The following ORC1 variants were observed in gnomAD, a reference collection of about 807,000 sequenced individuals.
ORC1 encodes the protein origin recognition complex, subunit 1 homolog.
ORC1 carries 61 observed loss-of-function variants against 98.9 expected under a neutral mutation model. The observed-to-expected ratio is 0.62, with a 90% CI of 0.50 to 0.76. ORC1 has a LOEUF of 0.76. Ranked by LOEUF, ORC1 falls within the 30% of genes least tolerant of loss-of-function variation. ORC1 has a pLI of 0.00. For missense variants in ORC1, 979 were observed against 1,072.2 expected, an observed-to-expected ratio of 0.91 and a Z score of 1.21; for synonymous variants, 385 against 406.9, an observed-to-expected ratio of 0.95 and a Z score of 0.65.
intron 13 of ORC1, among the ~76,000 whole-genome samples, chr1:52,382,451 A>T (rs1647084018): frequency 6.6e-6 from 1 of 152,072 alleles, no homozygotes; most frequent in African/African-American, 2.4e-5. Context: ...CAGGCTCTTC[A>T]TGATTTCTCA....
At chr1:52,387,321 T>C (rs1647154837) in intron 8 of ORC1, among the ~76,000 whole-genome samples, 1 of 152,190 alleles carries the variant, frequency 6.6e-6, no homozygotes, top group Admixed American at 6.5e-5. Context: ...CAATGCCTGG[T>C]GATCTAGGGT....
chr1:52,399,840 A>C lies in ORC1; in HGVS notation c.223+1522T>G, dbSNP rs967818700. Among the ~76,000 whole-genome samples, 6 of 140,080 alleles carry C rather than the reference A, an allele frequency of 4.3e-5. No individual in the cohort carries two copies. In the South Asian group the frequency reaches 1.1e-3, roughly 26 times the overall value. The allele number at this position is 140,080 out of a possible 152,430, so 91.9% of individuals were successfully genotyped here. ...ACACACACACACACACACACACACA[A>C]GAATTACAGCATCAACCACTGAGAT... On this transcript the variant is annotated intron_variant, in intron 3 of 16. Transcript: ENST00000371568.
At chr1:52,376,394 A>C (rs992797984) in intron 14 of ORC1, among the ~76,000 whole-genome samples, 1 of 152,120 alleles carries the variant, frequency 6.6e-6, no homozygotes, top group African/African-American at 2.4e-5. Flanking sequence ...ACATGCCTGT[A>C]ATCTCAGCTA....
chr1:52,383,548 T>A lies in ORC1; in HGVS notation c.1885A>T (p.Lys629Ter), dbSNP rs1647101190. ...AAGAGATTGTACATTATGTCTTGTT[T>A]GTGAGTCCACAGAAGGTCGAGCTGC... ...VDELDLLWTH[K>*]QDIMYNLFDW... is the part of the protein sequence containing the mutation. Residue 629 changes from lysine (K) to a stop codon, truncating the protein, a stop_gained, in exon 13 of 17, where the codon AAA becomes TAA. Coordinates refer to ENST00000371568, the MANE Select transcript of ORC1 (RefSeq NM_004153.4). LOFTEE classifies it high-confidence loss of function. 1 of 1,613,978 alleles carries A rather than the reference T, an allele frequency of 6.2e-7. No individual in the cohort carries two copies. The highest frequency in any genetic ancestry group is 1.7e-5 in the Admixed American group (1 of 60,008).
intron 9 of ORC1, among the ~76,000 whole-genome samples, 172 bp downstream of exon 9, chr1:52,385,680 T>C (rs906082806): frequency 3.9e-5 from 6 of 152,250 alleles, no homozygotes; most frequent in African/African-American, 1.2e-4. Flanking sequence ...AGATGCTGCC[T>C]GAGAGGTTTC....
In ORC1 at chr1:52,389,223, T is replaced by C; in HGVS notation, c.1181A>G (p.Gln394Arg). 3.1e-6 allele frequency: 5 copies of C among 1,612,936 alleles called. No homozygotes were observed. The highest frequency in any genetic ancestry group is 4.2e-6 in the Non-Finnish European group (5 of 1,178,850). ...TGCCAAGGAGTAGTCTTACCGAAGC[T>C]GCTGCCTAATCCGATTCATAGTCAA... ...SVLTMNRIRQ[Q>R]LRFLGNSKSD... The change falls in exon 7 of 17, where the codon CAG becomes CGG. Residue 394 changes from glutamine (Q) to arginine (R), a missense_variant. Physicochemically the swap from Gln to Arg is conservative, Grantham distance 43 (BLOSUM62 1). Coordinates refer to ENST00000371568, the MANE Select transcript of ORC1 (RefSeq NM_004153.4).
At chr1:52,378,744 C>A (rs1489068507) in intron 14 of ORC1, among the ~76,000 whole-genome samples, 2 of 151,762 alleles carry the variant, frequency 1.3e-5, no homozygotes, top group African/African-American at 4.8e-5. Context: ...TATAATTTTG[C>A]AAGTTAGTGC....
At chr1:52,406,540 GTTAC>G (rs1205211874), upstream of ORC1, among the ~76,000 whole-genome samples, 1 of 152,012 alleles carries the variant, frequency 6.6e-6, no homozygotes, top group Non-Finnish European at 1.5e-5. Flanking sequence ...CATTGGAGAG[GTTAC>G]TTAATTTTCT....
Position 52,374,840 on chromosome 1 carries a change from T to C in ORC1, c.2361A>G (p.Arg787=). 6.2e-7 allele frequency: 1 copy of C among 1,613,952 alleles called. No homozygotes were observed. Among genetic ancestry groups the C allele is most frequent in the Non-Finnish European group, 8.5e-7 (1 of 1,179,816 alleles). Residue 787 remains arginine, a synonymous_variant, in exon 16 of 17, where the codon CGA becomes CGG. Transcript: ENST00000371568. The part of the protein sequence containing the change: ...FLRAILAEFR[R]SGLEEATFQQ... ...GAAACGTGGCTTCCTCCAGTCCTGA[T>C]CGACGGAACTCTGCGAGGATGGCTC...
chr1:52,396,397 G>A (rs1167382835), intron 4 of ORC1, 33 bp from the exon 5 acceptor site: 3 of 1,613,696 alleles, frequency 1.9e-6, no homozygotes, highest in African/African-American at 2.7e-5. Context: ...AGTAGGAAGA[G>A]ATGAGCCCCA....
At chr1:52,397,021 T>C (rs923914408) in intron 4 of ORC1, among the ~76,000 whole-genome samples, 1 of 152,240 alleles carries the variant, frequency 6.6e-6, no homozygotes, top group Admixed American at 6.5e-5. Flanking sequence ...ATACTCATCC[T>C]GCTGCCTCAA....
chr1:52,404,922 C>T (rs755873441), upstream of ORC1: 2 of 1,605,878 alleles, frequency 1.2e-6, no homozygotes, highest in Non-Finnish European at 8.5e-7. Flanking sequence ...CCCTTGTGGC[C>T]CATTTCTCCT....
upstream of ORC1, chr1:52,404,790 G>A: frequency 2.5e-6 from 4 of 1,614,166 alleles, no homozygotes; most frequent in Non-Finnish European, 3.4e-6. Flanking sequence ...AGCATCCATG[G>A]CACCAACCCT....
chr1:52,406,227 A>G (rs1234504644), upstream of ORC1, among the ~76,000 whole-genome samples: 5 of 151,942 alleles, frequency 3.3e-5, no homozygotes, highest in Non-Finnish European at 7.4e-5. Flanking sequence ...GACTTCAGGT[A>G]ATCCCCTCCC....
At chr1:52,408,458 T>C, upstream of ORC1, 1 of 1,463,944 alleles carries the variant, frequency 6.8e-7, no homozygotes, top group Non-Finnish European at 9.5e-7. Flanking sequence ...GCAGCTTTCT[T>C]ACCTGCCAAA....
intron 3 of ORC1, among the ~76,000 whole-genome samples, chr1:52,399,172 G>C (rs921863052): frequency 1.3e-5 from 2 of 152,094 alleles, no homozygotes; most frequent in African/African-American, 4.8e-5. Flanking sequence ...TCAAACAGCA[G>C]CAAAACAAAA....
upstream of ORC1, among the ~76,000 whole-genome samples, chr1:52,407,211 A>G (rs1648022628): frequency 6.6e-6 from 1 of 152,002 alleles, no homozygotes; most frequent in African/African-American, 2.4e-5. Context: ...TAGAGACGGC[A>G]TTTCACCGCG....
chr1:52,401,411 A>T lies in ORC1; in HGVS notation c.174T>A (p.Asp58Glu), dbSNP rs200774303. Reference sequence around the variant, plus strand: ...TAGCAACATACGGGTTTTCATCATCATCCCCTTCAATCAACACAAACTGTC... The same window carrying T: ...TAGCAACATACGGGTTTTCATCATCTTCCCCTTCAATCAACACAAACTGTC... ...QIGQFVLIEG[D>E]DDENPYVAKL... Residue 58 changes from aspartate to glutamate, a missense_variant, in exon 3 of 17, where the codon GAT becomes GAA. Physicochemically the swap from Asp to Glu is conservative, Grantham distance 45. Coordinates refer to ENST00000371568, the MANE Select transcript of ORC1 (RefSeq NM_004153.4). The T allele has an allele frequency of 8.7e-6, 14 of 1,613,708 alleles. No individual in the cohort carries two copies. In the East Asian group the frequency reaches 3.1e-4, roughly 36 times the overall value.
chr1:52,375,370 T>C (rs1187791727), intron 15 of ORC1, 60 bp downstream of exon 15: 2 of 1,510,516 alleles, frequency 1.3e-6, no homozygotes, highest in African/African-American at 2.7e-5. Context: ...AGTAAAAGCT[T>C]AGAAAGGGAA....
Sources: gnomAD v4.1 joint callset for allele counts (sites outside exome capture counted in the v4.1 genomes callset) on GRCh38, gnomAD v4.1.1 for gene constraint, MANE v1.5 for transcripts, NCBI Gene and HGNC (gene_info 2026-07-23, HGNC 2026-07-21) for gene names.